The following FRMD4A variants were observed in gnomAD, a reference collection of about 807,000 sequenced individuals.
FRMD4A encodes FERM domain-containing protein 4A.
FRMD4A carries 29 observed loss-of-function variants against 129.1 expected under a neutral mutation model. That is an observed-to-expected ratio of 0.22 (90% CI 0.17 to 0.31). The LOEUF is 0.31. FRMD4A is among the 10% of genes least tolerant of loss of function. The probability of loss-of-function intolerance (pLI) is 1.00; values close to 1 mark genes in which losing one functional copy is unlikely to be tolerated. For synonymous variants in FRMD4A, 634 were observed against 571.6 expected (o/e 1.11, Z -1.56); for missense variants, 1,272 against 1,375.8 (o/e 0.92, Z 1.19).
chr10:14,110,087 C>T lies in FRMD4A; in HGVS notation c.45+219971G>A, dbSNP rs533247152. Among the ~76,000 whole-genome samples the T allele has an allele frequency of 2.2e-4, 30 of 137,870 alleles. No individual in the cohort carries two copies. The South Asian group carries it at 5.6e-3, about 26-fold the overall frequency. The allele number at this position is 137,870 out of a possible 152,430, so 90.4% of individuals were successfully genotyped here. A position where few individuals can be genotyped will look rare whatever the true frequency, so the allele number is the denominator to read the frequency against. Reference sequence around the variant, plus strand: ...AAGGCTGCAGTGAGCTGAGATTGCGCCACTATATTCCAGGCTGGGCAACAA... The same window carrying T: ...AAGGCTGCAGTGAGCTGAGATTGCGTCACTATATTCCAGGCTGGGCAACAA... On this transcript the variant is annotated intron_variant, in intron 2 of 24. Transcript: ENST00000357447.
At chr10:13,870,540 C>G (rs1336166084) in intron 2 of FRMD4A, among the ~76,000 whole-genome samples, 1 of 152,218 alleles carries the variant, frequency 6.6e-6, no homozygotes, top group African/African-American at 2.4e-5. Context: ...CAGCCCGGTG[C>G]TGGGGACACA....
At position 14,246,508 on chromosome 10, in the gene FRMD4A, C is replaced by T. The variant is rs184693696; in HGVS notation, c.45+83550G>A. 2.6e-5 allele frequency among the ~76,000 whole-genome samples: 4 copies of T among 152,290 alleles called. No individual in the cohort carries two copies. In the East Asian group the frequency reaches 5.8e-4, roughly 22 times the overall value. ...ATGCACACACATACACATGCATGCA[C>T]TCATATGCAATCACATGTGGACGTA... On this transcript the variant is annotated intron_variant, in intron 2 of 24. Coordinates refer to ENST00000357447, the MANE Select transcript of FRMD4A (RefSeq NM_018027.5).
At chr10:13,971,329 T>C (rs1031088981) in intron 2 of FRMD4A, among the ~76,000 whole-genome samples, 7 of 152,208 alleles carry the variant, frequency 4.6e-5, no homozygotes, top group African/African-American at 1.4e-4. Flanking sequence ...CTGGGTGACT[T>C]TGAACAACTT....
chr10:13,931,529 G>A lies in FRMD4A; in HGVS notation c.46-72617C>T, dbSNP rs9787481. On this transcript the variant is annotated intron_variant, in intron 2 of 24. Transcript: ENST00000357447. Reference sequence around the variant, plus strand: ...TTCATTCCCCAGGAAAGACCTTCCTGACTCCCAGGGCTAGGTTGGCTGCTA... The same window carrying A: ...TTCATTCCCCAGGAAAGACCTTCCTAACTCCCAGGGCTAGGTTGGCTGCTA... 8.5e-3 allele frequency among the ~76,000 whole-genome samples: 1,297 copies of A among 152,212 alleles called. 65 individuals are homozygous for A. The East Asian group carries it at 0.14, about 17-fold the overall frequency.
At chr10:14,044,385 T>G (rs991493246) in intron 2 of FRMD4A, among the ~76,000 whole-genome samples, 1 of 152,216 alleles carries the variant, frequency 6.6e-6, no homozygotes, top group Non-Finnish European at 1.5e-5. Context: ...TCCTGTCTGG[T>G]AAAACCTATG....
chr10:14,284,073 T>C (rs1375074697), intron 2 of FRMD4A, among the ~76,000 whole-genome samples: 9 of 152,208 alleles, frequency 5.9e-5, no homozygotes. Flanking sequence ...TTCTCAGTTA[T>C]CTCAACTATG....
chr10:14,263,981 T>A (rs940715128), intron 2 of FRMD4A, among the ~76,000 whole-genome samples: 2 of 152,132 alleles, frequency 1.3e-5, no homozygotes, highest in African/African-American at 4.8e-5. Context: ...TGAGCGAGCA[T>A]TGCACCAACC....
chr10:14,155,375 G>A (rs906971206), intron 2 of FRMD4A, among the ~76,000 whole-genome samples: 1 of 152,170 alleles, frequency 6.6e-6, no homozygotes, highest in Non-Finnish European at 1.5e-5. Flanking sequence ...GACAGTACTG[G>A]TAAGAGTCAC....
chr10:13,930,463 C>T (rs576226445), intron 2 of FRMD4A, among the ~76,000 whole-genome samples: 73 of 152,282 alleles, frequency 4.8e-4, no homozygotes, highest in African/African-American at 1.7e-3. Context: ...AGAAAGGAAA[C>T]CTCAGCTCTG....
intron 6 of FRMD4A, among the ~76,000 whole-genome samples, chr10:13,772,081 C>A (rs759344184): frequency 6.7e-6 from 1 of 149,278 alleles, no homozygotes; most frequent in Non-Finnish European, 1.5e-5. Flanking sequence ...CACGTCACCG[C>A]ACTCCAGCCT....
At chr10:14,141,971 T>C (rs947886038) in intron 2 of FRMD4A, among the ~76,000 whole-genome samples, 2 of 152,148 alleles carry the variant, frequency 1.3e-5, no homozygotes, top group Non-Finnish European at 2.9e-5. Context: ...CATCCGAAAA[T>C]GTGTATTTGC....
At chr10:13,944,235 C>A (rs548716286) in intron 2 of FRMD4A, among the ~76,000 whole-genome samples, 1 of 152,248 alleles carries the variant, frequency 6.6e-6, no homozygotes, top group East Asian at 1.9e-4. Flanking sequence ...ACATTACCAC[C>A]TGGGCTCCAC....
chr10:13,848,557 T>A (rs1434199238), intron 3 of FRMD4A, among the ~76,000 whole-genome samples: 1 of 151,750 alleles, frequency 6.6e-6, no homozygotes, highest in African/African-American at 2.4e-5. Flanking sequence ...GAGATGGGGA[T>A]GGTCTCTTCT....
At chr10:14,118,122 A>T (rs1460480669) in intron 2 of FRMD4A, among the ~76,000 whole-genome samples, 1 of 152,224 alleles carries the variant, frequency 6.6e-6, no homozygotes, top group Non-Finnish European at 1.5e-5. Flanking sequence ...CAAAGAATTT[A>T]AACTCCAAAC....
chr10:13,806,903 G>A (rs550989566), intron 4 of FRMD4A, among the ~76,000 whole-genome samples: 1 of 152,316 alleles, frequency 6.6e-6, no homozygotes, highest in Admixed American at 6.5e-5. Flanking sequence ...TGCCTCCTGG[G>A]TTCAGGTGAT....
rs79050488 is a variant in FRMD4A, at chr10:14,029,662, A to C, written c.46-170750T>G. On this transcript the variant is annotated intron_variant, in intron 2 of 24. Transcript: ENST00000357447. The stretch of plus-strand genomic sequence containing the variant: ...GTGGATCAGAATCAGTCAGTAAGAC[A>C]CATTAGTTACCTATTTTCATGCCTG... 7.4e-3 allele frequency among the ~76,000 whole-genome samples: 1,129 copies of C among 152,294 alleles called. 50 individuals carry two copies. The East Asian group carries it at 0.1, about 14-fold the overall frequency.
At chr10:14,073,164 G>A (rs1835395782) in intron 2 of FRMD4A, among the ~76,000 whole-genome samples, 1 of 152,184 alleles carries the variant, frequency 6.6e-6, no homozygotes, top group South Asian at 2.1e-4. Flanking sequence ...GTTGGTGACA[G>A]GTGGTGTCTT....
At chr10:13,763,254 C>A (rs1250994434) in intron 6 of FRMD4A, among the ~76,000 whole-genome samples, 1 of 152,140 alleles carries the variant, frequency 6.6e-6, no homozygotes, top group Non-Finnish European at 1.5e-5. Flanking sequence ...TTATTAATCA[C>A]TGGAATAGGG....
chr10:13,732,698 G>A (rs2090394146), intron 12 of FRMD4A, among the ~76,000 whole-genome samples: 1 of 152,212 alleles, frequency 6.6e-6, no homozygotes, highest in Non-Finnish European at 1.5e-5. Context: ...GGAGGCTCGA[G>A]GTGGCAGAGA....
Sources: allele counts gnomAD v4.1 joint callset (sites outside exome capture counted in the v4.1 genomes callset), GRCh38; gene constraint gnomAD v4.1.1; transcripts MANE v1.5; gene names NCBI Gene and HGNC (gene_info 2026-07-23, HGNC 2026-07-21).